The following PIBF1 variants were observed in gnomAD, a reference collection of about 807,000 sequenced individuals.
The protein encoded by PIBF1 is progesterone immunomodulatory binding factor 1.
Under a neutral mutation model 112.5 loss-of-function variants are expected in PIBF1, and 90 were observed. The observed-to-expected ratio is 0.80, with a 90% CI of 0.67 to 0.95. The LOEUF (loss-of-function observed/expected upper bound fraction) is 0.95. Among genes scored for constraint, PIBF1 ranks in the 40% least tolerant of loss-of-function variants. The probability of loss-of-function intolerance (pLI) is 0.00; values close to 1 mark genes in which losing one functional copy is unlikely to be tolerated. For synonymous variants in PIBF1, 301 were observed against 288.6 expected, an observed-to-expected ratio of 1.04 and a Z score of -0.44; for missense variants, 915 against 852.3, an observed-to-expected ratio of 1.07 and a Z score of -0.92.
chr13:72,883,023 A>G (rs1306494241), intron 10 of PIBF1, among the ~76,000 whole-genome samples: 4 of 152,184 alleles, frequency 2.6e-5, no homozygotes, highest in East Asian at 1.9e-4. Context: ...TATCAAAGAA[A>G]TATCTGCACT....
At chr13:72,922,785 A>C (rs2041342884) in intron 13 of PIBF1, among the ~76,000 whole-genome samples, 1 of 152,148 alleles carries the variant, frequency 6.6e-6, no homozygotes, top group African/African-American at 2.4e-5. Context: ...ACTTGTACTC[A>C]TTTCATTTGG....
intron 10 of PIBF1, among the ~76,000 whole-genome samples, chr13:72,857,445 A>G (rs1226355333): frequency 2.0e-5 from 3 of 152,268 alleles, no homozygotes; most frequent in Admixed American, 6.5e-5. Context: ...ACAAATGCAA[A>G]TGTAATCTTG....
At chr13:72,908,480 A>G (rs370167579) in intron 11 of PIBF1, 51 bp from the exon 12 acceptor site, 1 of 1,283,936 alleles carries the variant, frequency 7.8e-7, no homozygotes, top group Non-Finnish European at 1.1e-6. Flanking sequence ...TTTTGTCTTA[A>G]CTGTGCACCT....
At chr13:72,932,331 GTTGT>G (rs1325626370) in intron 14 of PIBF1, among the ~76,000 whole-genome samples, 1 of 152,110 alleles carries the variant, frequency 6.6e-6, no homozygotes, top group South Asian at 2.1e-4. Flanking sequence ...ATTAATATAT[GTTGT>G]TTATTATTTG....
At chr13:72,867,361 CT>C (rs1171661676) in intron 10 of PIBF1, among the ~76,000 whole-genome samples, 5 of 152,076 alleles carry the variant, frequency 3.3e-5, no homozygotes, top group Non-Finnish European at 7.3e-5. Context: ...TCAGGTATGT[CT>C]TTATCAGCCA....
At chr13:72,831,843 G>T (rs1409934794) in intron 8 of PIBF1, among the ~76,000 whole-genome samples, 3 of 151,906 alleles carry the variant, frequency 2.0e-5, no homozygotes, top group Admixed American at 2.0e-4. Flanking sequence ...TTGACAGCGG[G>T]GTGTTAAAGT....
chr13:72,948,735 C>G (rs1279918850), intron 14 of PIBF1, among the ~76,000 whole-genome samples: 2 of 152,188 alleles, frequency 1.3e-5, no homozygotes, highest in African/African-American at 4.8e-5. Context: ...AGGAAACTTA[C>G]AATCATGGTG....
At chr13:72,832,826 G>A (rs1458352939) in intron 8 of PIBF1, among the ~76,000 whole-genome samples, 1 of 152,162 alleles carries the variant, frequency 6.6e-6, no homozygotes, top group Non-Finnish European at 1.5e-5. Context: ...GTCTTGCTAG[G>A]TTGGGGAAGT....
intron 4 of PIBF1, among the ~76,000 whole-genome samples, chr13:72,796,140 A>C (rs559485599): frequency 6.6e-6 from 1 of 152,208 alleles, no homozygotes; most frequent in Admixed American, 6.5e-5. Context: ...TTTTTTAAAC[A>C]CAAGAATAAG....
intron 10 of PIBF1, among the ~76,000 whole-genome samples, chr13:72,887,141 A>G (rs1447458966): frequency 6.6e-6 from 1 of 151,576 alleles, no homozygotes; most frequent in African/African-American, 2.4e-5. Context: ...CATCAAAAAT[A>G]ATTTTGATTC....
intron 5 of PIBF1, among the ~76,000 whole-genome samples, chr13:72,813,839 C>T (rs2036134620): frequency 8.6e-6 from 1 of 116,524 alleles, no homozygotes; most frequent in African/African-American, 3.5e-5. Flanking sequence ...TGATAGAGAC[C>T]GTCTTGGAGA....
chr13:72,818,677 A>G (rs546413233), intron 5 of PIBF1, among the ~76,000 whole-genome samples: 138 of 57,320 alleles, frequency 2.4e-3, no homozygotes, highest in Admixed American at 3.7e-3. Flanking sequence ...TCAGTCTTAA[A>G]CTTTTTTTTT....
At chr13:72,852,052 G>A (rs1231376490) in intron 9 of PIBF1, among the ~76,000 whole-genome samples, 1 of 152,158 alleles carries the variant, frequency 6.6e-6, no homozygotes, top group Non-Finnish European at 1.5e-5. Context: ...TCATGCTCCG[G>A]TTGTCTGTGT....
chr13:72,812,627 T>C (rs933830625), intron 5 of PIBF1, among the ~76,000 whole-genome samples: 3 of 151,760 alleles, frequency 2.0e-5, no homozygotes, highest in Non-Finnish European at 4.4e-5. Context: ...TACCAAAAAA[T>C]ACAAAAATTA....
chr13:72,925,050 G>C (rs1173916084), intron 13 of PIBF1, among the ~76,000 whole-genome samples: 1 of 152,144 alleles, frequency 6.6e-6, no homozygotes, highest in Non-Finnish European at 1.5e-5. Flanking sequence ...AAGTAGAGTA[G>C]ACATGAAGGG....
rs566794630 is a variant in PIBF1 at position 73,016,126 on chromosome 13, AATAT to A, written c.*212_*215del. 4.6e-6 allele frequency: 1 copy of A among 218,168 alleles called. No homozygotes were observed. The highest frequency in any genetic ancestry group is 2.3e-5 in the African/African-American group (1 of 43,574). 13.5% of individuals were successfully genotyped at this position (218,168 alleles called of 1,614,324 possible). ...ATTTTTTTTTCTATTTTATAAAATA[AATAT>A]ATATGCTATGCTTTAAATTTTGGAG... is the stretch of plus-strand genomic sequence containing the variant. On this transcript the variant is annotated 3_prime_UTR_variant, in exon 18 of 18. Transcript: ENST00000326291.
intron 14 of PIBF1, among the ~76,000 whole-genome samples, chr13:72,954,473 T>C (rs2138867713): frequency 6.6e-6 from 1 of 152,378 alleles, no homozygotes; most frequent in South Asian, 2.1e-4. Flanking sequence ...CCTGAGTTAC[T>C]GAGCAGACTT....
intron 10 of PIBF1, among the ~76,000 whole-genome samples, chr13:72,885,403 A>C (rs562574192): frequency 6.6e-6 from 1 of 152,224 alleles, no homozygotes; most frequent in South Asian, 2.1e-4. Flanking sequence ...AATGTTTTCT[A>C]TCCTGGCTTG....
intron 13 of PIBF1, among the ~76,000 whole-genome samples, chr13:72,929,413 A>G (rs2041634662): frequency 6.6e-6 from 1 of 152,188 alleles, no homozygotes; most frequent in Non-Finnish European, 1.5e-5. Flanking sequence ...ACTCCTTAAA[A>G]ATTTATAAAG....
Sources: allele counts gnomAD v4.1 joint callset (sites outside exome capture counted in the v4.1 genomes callset), GRCh38; gene constraint gnomAD v4.1.1; transcripts MANE v1.5; gene names NCBI Gene and HGNC (gene_info 2026-07-23, HGNC 2026-07-21).